F8: variants seen among roughly 807,000 people sequenced by gnomAD.
F8 encodes the protein antihemophilic factor.
F8 carries 12 observed loss-of-function variants against 140.6 expected under a neutral mutation model. That is an observed-to-expected ratio of 0.09 (90% CI 0.05 to 0.14). The LOEUF (loss-of-function observed/expected upper bound fraction) is 0.14, where lower values mean the gene tolerates loss of function less well. F8 is among the 10% of genes least tolerant of loss of function. The probability of loss-of-function intolerance (pLI) is 1.00; values close to 1 mark genes in which losing one functional copy is unlikely to be tolerated. For synonymous variants in F8, 585 were observed against 614.6 expected, an observed-to-expected ratio of 0.95 and a Z score of 0.71; for missense variants, 1,354 against 1,720.7, an observed-to-expected ratio of 0.79 and a Z score of 3.77.
intron 21 of F8, among the ~76,000 whole-genome samples, chrX:154,898,347 A>G (rs1355995711): frequency 8.9e-6 from 1 of 112,446 alleles, no homozygotes; most frequent in Admixed American, 9.4e-5. Context: ...AGATGGCAAA[A>G]CCACCTTGAA....
chrX:154,865,762 T>C (rs782233460), intron 22 of F8, among the ~76,000 whole-genome samples: 6 of 61,388 alleles, frequency 9.8e-5, no homozygotes, highest in Admixed American at 2.4e-4. Flanking sequence ...CAAGCAAAAA[T>C]CATCAAACCA....
chrX:155,013,436 A>G (rs1569560085), intron 1 of F8, among the ~76,000 whole-genome samples: 1 of 111,350 alleles, frequency 9.0e-6, no homozygotes, highest in Admixed American at 9.5e-5. Context: ...TTTGCCTTCC[A>G]CCATGATTGT....
chrX:154,916,553 C>A (rs893933029), intron 14 of F8, among the ~76,000 whole-genome samples: 1 of 111,096 alleles, frequency 9.0e-6, no homozygotes, highest in Non-Finnish European at 1.9e-5. Context: ...AGAAATTTAT[C>A]CATTTCTTCT....
intron 1 of F8, among the ~76,000 whole-genome samples, chrX:155,003,666 A>C (rs782305479): frequency 4.5e-5 from 5 of 111,872 alleles, no homozygotes; most frequent in Admixed American, 9.5e-5. Context: ...AATACCAAAG[A>C]AGATGGATGC....
At chrX:154,900,857 T>C (rs1370203929) in intron 20 of F8, among the ~76,000 whole-genome samples, 1 of 112,442 alleles carries the variant, frequency 8.9e-6, no homozygotes, top group Non-Finnish European at 1.9e-5. Flanking sequence ...TGTTCCAAAA[T>C]AAGGCTTTAT....
rs1482940369 is a variant in F8, at chrX:154,964,451, A to G, written c.1443+1519T>C. 3.6e-5 allele frequency among the ~76,000 whole-genome samples: 4 copies of G among 112,336 alleles called. No individual in the cohort carries two copies. The East Asian group carries it at 1.1e-3, about 31-fold the overall frequency. ...CTAATAAAAATTTTGAAGAAGTACAATGAAAGAAGATGTCATACAGATATC... is the reference window on the plus strand; with the variant it reads ...CTAATAAAAATTTTGAAGAAGTACAGTGAAAGAAGATGTCATACAGATATC... On this transcript the variant is annotated intron_variant, in intron 9 of 25. Coordinates refer to ENST00000360256, the MANE Select transcript of F8 (RefSeq NM_000132.4).
intron 14 of F8, among the ~76,000 whole-genome samples, chrX:154,923,965 T>A (rs2073146391): frequency 9.0e-6 from 1 of 111,567 alleles, no homozygotes; most frequent in Non-Finnish European, 1.9e-5. Context: ...AGCAAGACTC[T>A]GTCTAAAAAG....
At chrX:154,861,693 A>G (rs377399008) in intron 24 of F8, 25 bp downstream of exon 24, 52 of 1,207,750 alleles carry the variant, frequency 4.3e-5, no homozygotes, top group Non-Finnish European at 5.6e-5. Flanking sequence ...TGAGTCAGTT[A>G]AACAGTAAAT....
chrX:154,917,287 T>C (rs1351907228), intron 14 of F8, among the ~76,000 whole-genome samples: 5 of 111,793 alleles, frequency 4.5e-5, no homozygotes, highest in Non-Finnish European at 9.4e-5. Context: ...GTCAGGTAGG[T>C]TCATCTGGTC....
At chrX:154,936,171 G>A (rs2073224318) in intron 13 of F8, among the ~76,000 whole-genome samples, 1 of 110,455 alleles carries the variant, frequency 9.1e-6, no homozygotes, top group Non-Finnish European at 1.9e-5. Flanking sequence ...AAGTGCTGAG[G>A]GAAAAACCAA....
At chrX:155,013,426 T>C (rs5945273) in intron 1 of F8, among the ~76,000 whole-genome samples, 23,660 of 110,646 alleles carry the variant, frequency 0.21, 2,001 homozygotes, top group South Asian at 0.39. Flanking sequence ...TTGCTCCTCC[T>C]TTGCCTTCCA....
Position 154,899,961 on chromosome X carries a change from A to G in F8, c.6188-10T>C. On this transcript the variant is annotated splice_polypyrimidine_tract_variant and intron_variant, in intron 20 of 25. Coordinates refer to ENST00000360256, the MANE Select transcript of F8 (RefSeq NM_000132.4). The stretch of plus-strand genomic sequence containing the variant: ...TTTGGGGCCCACTGTCCTTTGCCCA[A>G]GTAAAGAAACAGAGATTAAATTCAG... The G allele has an allele frequency of 1.7e-6, 2 of 1,203,414 alleles. No individual in the cohort carries two copies. Among genetic ancestry groups the G allele is most frequent in the Non-Finnish European group, 2.3e-6 (2 of 888,091 alleles).
rs2072598204 is a variant in F8 at position 154,849,604 on chromosome X, T to TC, written c.6900+10827_6900+10828insG. Among the ~76,000 whole-genome samples, 4 of 104,964 alleles carry TC rather than the reference T, an allele frequency of 3.8e-5. No individual in the cohort carries two copies. In the South Asian group the frequency reaches 2.1e-3, roughly 55 times the overall value. The allele number at this position is 104,964 out of a possible 115,157, so 91.1% of individuals were successfully genotyped here. On this transcript the variant is annotated intron_variant, in intron 25 of 25. Coordinates refer to ENST00000360256, the MANE Select transcript of F8 (RefSeq NM_000132.4). ...ATCACACCCAGCTACTTTTGCTTTT[T>TC]TATCAATCTGACAATCTTTGTCTTT... is the stretch of plus-strand genomic sequence containing the variant.
chrX:154,934,100 C>A (rs1460356714), intron 13 of F8, among the ~76,000 whole-genome samples: 2 of 111,481 alleles, frequency 1.8e-5, no homozygotes, highest in African/African-American at 6.5e-5. Context: ...TTTCTTCTTG[C>A]TCCTTTCAGA....
intron 12 of F8, 87 bp from the exon 13 acceptor site, chrX:154,947,994 T>C: frequency 4.3e-6 from 3 of 700,333 alleles, no homozygotes; most frequent in Non-Finnish European, 6.8e-6. Flanking sequence ...TTAGGAATTA[T>C]TATATGTTAT....
chrX:154,894,671 A>G (rs2072969728), intron 22 of F8, among the ~76,000 whole-genome samples: 1 of 110,071 alleles, frequency 9.1e-6, no homozygotes, highest in Non-Finnish European at 1.9e-5. Context: ...GTGAGCCGAG[A>G]TCACACCAGT....
intron 22 of F8, among the ~76,000 whole-genome samples, chrX:154,894,504 A>C (rs1603432737): frequency 9.0e-6 from 1 of 111,053 alleles, no homozygotes; most frequent in East Asian, 2.8e-4. Flanking sequence ...GGATCACCTG[A>C]GGTCAGGAGT....
intron 14 of F8, among the ~76,000 whole-genome samples, chrX:154,923,778 G>A (rs1314464996): frequency 1.8e-5 from 2 of 111,324 alleles, no homozygotes; most frequent in East Asian, 2.8e-4. Context: ...AGATTTGGGA[G>A]GGGACAGGGG....
intron 9 of F8, among the ~76,000 whole-genome samples, chrX:154,961,534 T>C (rs2073395669): frequency 8.9e-6 from 1 of 112,259 alleles, no homozygotes; most frequent in Non-Finnish European, 1.9e-5. Context: ...TGTTTCTTTG[T>C]ATTATTGTTT....
Sources: gnomAD v4.1 joint callset for allele counts (sites outside exome capture counted in the v4.1 genomes callset) on GRCh38, gnomAD v4.1.1 for gene constraint, MANE v1.5 for transcripts, NCBI Gene and HGNC (gene_info 2026-07-23, HGNC 2026-07-21) for gene names.